NELL1: variants seen among roughly 807,000 people sequenced by gnomAD.
The protein encoded by NELL1 is protein kinase C-binding protein NELL1.
NELL1 carries 76 observed loss-of-function variants against 107.4 expected under a neutral mutation model. The ratio of observed to expected loss-of-function variants is 0.71; its 90% CI spans 0.59 to 0.86. The LOEUF (loss-of-function observed/expected upper bound fraction) is 0.86. Among genes scored for constraint, NELL1 ranks in the 40% least tolerant of loss-of-function variants. The pLI, the probability that NELL1 is intolerant of heterozygous loss-of-function variation, is 0.00. For missense variants in NELL1, 1,024 were observed against 1,005.5 expected (o/e 1.02, Z -0.25); for synonymous variants, 353 against 341.2 (o/e 1.03, Z -0.38).
At chr11:21,230,227 T>G in intron 14 of NELL1, among the ~76,000 whole-genome samples, 1 of 152,156 alleles carries the variant, frequency 6.6e-6, no homozygotes, top group East Asian at 1.9e-4. Flanking sequence ...ACATCACAGG[T>G]TTATGTGTTT....
At chr11:21,328,889 G>A (rs1482933480) in intron 14 of NELL1, among the ~76,000 whole-genome samples, 1 of 152,144 alleles carries the variant, frequency 6.6e-6, no homozygotes, top group Non-Finnish European at 1.5e-5. Flanking sequence ...TTTAATGGGT[G>A]TATTTACCCA....
intron 7 of NELL1, among the ~76,000 whole-genome samples, chr11:20,920,053 T>C (rs1365625338): frequency 6.6e-6 from 1 of 152,116 alleles, no homozygotes; most frequent in East Asian, 1.9e-4. Context: ...CTTTAATATA[T>C]ATTCATAAAG....
chr11:21,258,099 A>C (rs948415145), intron 14 of NELL1, among the ~76,000 whole-genome samples: 1 of 152,038 alleles, frequency 6.6e-6, no homozygotes, highest in Non-Finnish European at 1.5e-5. Context: ...AAGCAAGTTT[A>C]AGGTTTGGAT....
At chr11:20,854,037 C>A (rs1485444767) in intron 4 of NELL1, among the ~76,000 whole-genome samples, 1 of 152,084 alleles carries the variant, frequency 6.6e-6, no homozygotes, top group African/African-American at 2.4e-5. Flanking sequence ...ACTCATGAGG[C>A]AAAATTATCA....
At chr11:21,189,783 G>C (rs536289211) in intron 13 of NELL1, among the ~76,000 whole-genome samples, 1 of 150,978 alleles carries the variant, frequency 6.6e-6, no homozygotes, top group East Asian at 1.9e-4. Flanking sequence ...CTCAGTTAAG[G>C]TCTAAGTCCT....
At chr11:21,404,303 G>A (rs1487510605) in intron 15 of NELL1, among the ~76,000 whole-genome samples, 1 of 151,868 alleles carries the variant, frequency 6.6e-6, no homozygotes, top group Non-Finnish European at 1.5e-5. Context: ...AAATGAACTG[G>A]CTGAGTGATT....
chr11:20,786,760 G>C (rs528873642), intron 3 of NELL1, among the ~76,000 whole-genome samples: 19 of 152,078 alleles, frequency 1.2e-4, no homozygotes, highest in African/African-American at 3.9e-4. Context: ...TGTAATCCCA[G>C]CACTTTGGGA....
At chr11:21,412,852 G>A (rs572049060) in intron 15 of NELL1, among the ~76,000 whole-genome samples, 1 of 152,204 alleles carries the variant, frequency 6.6e-6, no homozygotes, top group South Asian at 2.1e-4. Context: ...GCCAGCTGCA[G>A]AAAGTCTCAT....
chr11:20,785,616 A>G (rs1328831765), intron 3 of NELL1, among the ~76,000 whole-genome samples: 1 of 152,268 alleles, frequency 6.6e-6, no homozygotes, highest in East Asian at 1.9e-4. Context: ...CATGTGAAAC[A>G]GTTGCTATTA....
chr11:20,998,351 A>G (rs1196973426), intron 12 of NELL1, among the ~76,000 whole-genome samples: 4 of 152,226 alleles, frequency 2.6e-5, no homozygotes, highest in African/African-American at 9.6e-5. Context: ...TTCTGCATTT[A>G]GTTTAGATAA....
intron 2 of NELL1, among the ~76,000 whole-genome samples, chr11:20,772,923 T>C (rs1270916029): frequency 6.6e-6 from 1 of 152,244 alleles, no homozygotes; most frequent in Non-Finnish European, 1.5e-5. Context: ...TAGGCTGCTA[T>C]GAGGATTAAA....
intron 3 of NELL1, among the ~76,000 whole-genome samples, chr11:20,791,314 T>G (rs1296019973): frequency 6.6e-6 from 1 of 152,236 alleles, no homozygotes; most frequent in East Asian, 1.9e-4. Flanking sequence ...AATTTATTCC[T>G]AGGTGTATTT....
intron 12 of NELL1, among the ~76,000 whole-genome samples, chr11:21,098,959 AATTATT>A (rs368758404): frequency 4.0e-5 from 6 of 151,594 alleles, no homozygotes; most frequent in African/African-American, 9.7e-5. Flanking sequence ...ACCTTCAGAA[AATTATT>A]ATTATTATTA....
At chr11:21,456,734 G>T (rs1475684980) in intron 15 of NELL1, among the ~76,000 whole-genome samples, 1 of 152,064 alleles carries the variant, frequency 6.6e-6, no homozygotes, top group Non-Finnish European at 1.5e-5. Flanking sequence ...ACGAAATAAG[G>T]CAGGGCTTGT....
At chr11:21,379,688 C>A (rs1851564423) in intron 15 of NELL1, among the ~76,000 whole-genome samples, 1 of 152,038 alleles carries the variant, frequency 6.6e-6, no homozygotes, top group Non-Finnish European at 1.5e-5. Context: ...TGAACCTTTT[C>A]TAAAGGAAAA....
chr11:20,784,619 T>G (rs777286941), intron 3 of NELL1, among the ~76,000 whole-genome samples: 17 of 152,218 alleles, frequency 1.1e-4, no homozygotes, highest in Non-Finnish European at 2.5e-4. Context: ...AAACTTGTAC[T>G]GAAGTCCCCT....
intron 9 of NELL1, among the ~76,000 whole-genome samples, chr11:20,931,777 T>C (rs991821892): frequency 2.6e-5 from 4 of 152,004 alleles, no homozygotes; most frequent in African/African-American, 9.7e-5. Flanking sequence ...TTTGGTTCCT[T>C]ATTTTGATTT....
chr11:20,963,987 C>T (rs981843983), intron 12 of NELL1, among the ~76,000 whole-genome samples: 1 of 152,144 alleles, frequency 6.6e-6, no homozygotes, highest in Admixed American at 6.5e-5. Flanking sequence ...TAGAAACTGC[C>T]GTAGAGAAGA....
intron 2 of NELL1, among the ~76,000 whole-genome samples, chr11:20,679,749 C>T (rs1011869760): frequency 3.7e-4 from 56 of 152,280 alleles, no homozygotes; most frequent in South Asian, 1.0e-3. Flanking sequence ...GGTCTGTAAG[C>T]TTCAAGAGGG....
Sources: gnomAD v4.1 joint callset for allele counts (sites outside exome capture counted in the v4.1 genomes callset) on GRCh38, gnomAD v4.1.1 for gene constraint, MANE v1.5 for transcripts, NCBI Gene and HGNC (gene_info 2026-07-23, HGNC 2026-07-21) for gene names.